RBFOX1: variants seen among roughly 807,000 people sequenced by gnomAD.
RBFOX1 encodes the protein RNA binding fox-1 homolog 1.
Under a neutral mutation model 57.7 loss-of-function variants are expected in RBFOX1, and 8 were observed. The observed-to-expected ratio is 0.14, with a 90% confidence interval of 0.08 to 0.25. RBFOX1 has a LOEUF of 0.25. Ranked by LOEUF, RBFOX1 falls within the 10% of genes least tolerant of loss-of-function variation. RBFOX1 has a pLI of 1.00. For missense variants in RBFOX1, 611 were observed against 548.5 expected (o/e 1.11, Z -1.14); for synonymous variants, 326 against 222.4 (o/e 1.47, Z -4.15).
At chr16:5,651,040 CTTTTTTTTTTTTTTTTTTTT>C (rs869240597) in intron 3 of RBFOX1, among the ~76,000 whole-genome samples, 1 of 56,854 alleles carries the variant, frequency 1.8e-5, no homozygotes, top group Non-Finnish European at 3.0e-5. Context: ...CTACCTCCTT[CTTTTTTTTTTTTTTTTTTTT>C]TTTTTTTTTT....
chr16:7,271,593 G>A (rs2095319720), intron 4 of RBFOX1, among the ~76,000 whole-genome samples: 1 of 152,008 alleles, frequency 6.6e-6, no homozygotes, highest in Admixed American at 6.6e-5. Context: ...GCATAATTAT[G>A]CAAGCAACTT....
intron 4 of RBFOX1, among the ~76,000 whole-genome samples, chr16:7,117,763 T>C (rs76804570): frequency 0.076 from 11,537 of 152,202 alleles, 563 homozygotes; most frequent in African/African-American, 0.14. Flanking sequence ...TAAAATCTAA[T>C]AGACTGCAGT....
At chr16:5,940,370 T>G (rs777899548) in intron 4 of RBFOX1, among the ~76,000 whole-genome samples, 11 of 152,190 alleles carry the variant, frequency 7.2e-5, no homozygotes, top group Non-Finnish European at 1.3e-4. Context: ...AGCCCAATGT[T>G]CACGTTCTCA....
At chr16:7,005,794 A>G (rs1050170187) in intron 3 of RBFOX1, among the ~76,000 whole-genome samples, 3 of 152,168 alleles carry the variant, frequency 2.0e-5, no homozygotes, top group Admixed American at 6.5e-5. Context: ...ATGACCATTC[A>G]TCTTCTTTTT....
chr16:6,003,381 C>G (rs2060635324), intron 4 of RBFOX1, among the ~76,000 whole-genome samples: 1 of 151,934 alleles, frequency 6.6e-6, no homozygotes, highest in Non-Finnish European at 1.5e-5. Flanking sequence ...TGCTCCTTGC[C>G]TGAAGGTAGC....
chr16:5,567,238 C>T lies in RBFOX1; in HGVS notation c.259-31664C>T, dbSNP rs140841396. 2.2e-3 allele frequency among the ~76,000 whole-genome samples: 331 copies of T among 152,336 alleles called. 2 individuals carry two copies. Among genetic ancestry groups the T allele is most frequent in the African/African-American group, 7.7e-3 (321 of 41,574 alleles). Reference sequence around the variant, plus strand: ...GCCTTGCAGACATGTGGGACGTATCCTGTGTGGATATCCCATGTGGACACG... The same window carrying T: ...GCCTTGCAGACATGTGGGACGTATCTTGTGTGGATATCCCATGTGGACACG... On this transcript the variant is annotated intron_variant, in intron 2 of 2. Transcript: ENST00000585867.
At chr16:6,701,035 A>AG (rs56718003) in intron 3 of RBFOX1, among the ~76,000 whole-genome samples, 62 of 150,342 alleles carry the variant, frequency 4.1e-4, no homozygotes, top group South Asian at 6.3e-4. Context: ...AGTTGGGCAG[A>AG]GGGGGGGGTG....
At chr16:6,119,732 A>G (rs1450923035) in intron 1 of RBFOX1, among the ~76,000 whole-genome samples, 2 of 152,154 alleles carry the variant, frequency 1.3e-5, no homozygotes, top group Non-Finnish European at 2.9e-5. Context: ...CAGACTCGTG[A>G]CCCTAAGCAA....
chr16:7,377,736 C>A (rs1365100995), intron 4 of RBFOX1, among the ~76,000 whole-genome samples: 2 of 152,160 alleles, frequency 1.3e-5, no homozygotes, highest in Non-Finnish European at 2.9e-5. Flanking sequence ...GCACCAGAGA[C>A]ACAGGGGTAA....
intron 4 of RBFOX1, among the ~76,000 whole-genome samples, chr16:7,272,602 T>A (rs1293845566): frequency 6.6e-6 from 1 of 152,194 alleles, no homozygotes; most frequent in Admixed American, 6.5e-5. Flanking sequence ...AAAGCAGTGC[T>A]GAGCAGCCAG....
intron 3 of RBFOX1, among the ~76,000 whole-genome samples, chr16:5,661,091 G>C (rs904746979): frequency 1.3e-5 from 2 of 152,152 alleles, no homozygotes; most frequent in Non-Finnish European, 2.9e-5. Flanking sequence ...TCTTCCTCCT[G>C]AGATTGGGAA....
chr16:6,430,783 G>A (rs2094057011), intron 2 of RBFOX1, among the ~76,000 whole-genome samples: 1 of 152,054 alleles, frequency 6.6e-6, no homozygotes, highest in African/African-American at 2.4e-5. Flanking sequence ...CACTCTGGCT[G>A]CAGTGTGGAT....
At chr16:6,867,510 G>C (rs1045453649) in intron 3 of RBFOX1, among the ~76,000 whole-genome samples, 6 of 152,124 alleles carry the variant, frequency 3.9e-5, no homozygotes, top group African/African-American at 1.2e-4. Flanking sequence ...CTTGAGGTCA[G>C]GAGTTCGAGA....
At chr16:7,574,536 C>T (rs1349534604) in intron 5 of RBFOX1, among the ~76,000 whole-genome samples, 1 of 152,050 alleles carries the variant, frequency 6.6e-6, no homozygotes. Flanking sequence ...CTTGGAGTCC[C>T]ATGTTCGAGG....
chr16:5,623,529 C>A (rs542315686), intron 3 of RBFOX1, among the ~76,000 whole-genome samples: 1 of 152,290 alleles, frequency 6.6e-6, no homozygotes, highest in Admixed American at 6.5e-5. Context: ...TACCTACACC[C>A]TACATGGTAC....
At chr16:7,378,545 G>T (rs2097727251) in intron 4 of RBFOX1, among the ~76,000 whole-genome samples, 1 of 152,226 alleles carries the variant, frequency 6.6e-6, no homozygotes, top group South Asian at 2.1e-4. Context: ...TACCAAGCCA[G>T]TGGCAACTCC....
intron 2 of RBFOX1, among the ~76,000 whole-genome samples, chr16:6,579,236 T>C (rs1368829923): frequency 2.0e-5 from 3 of 152,102 alleles, no homozygotes; most frequent in Non-Finnish European, 2.9e-5. Context: ...AAAGGTCTTA[T>C]TCTGTTACCC....
intron 2 of RBFOX1, among the ~76,000 whole-genome samples, chr16:5,585,398 C>G (rs188123166): frequency 7.2e-5 from 11 of 152,302 alleles, no homozygotes; most frequent in Admixed American, 1.3e-4. Context: ...TTTTATTGAT[C>G]TGTTCATCCA....
At chr16:6,345,887 A>T (rs1467810276) in intron 2 of RBFOX1, among the ~76,000 whole-genome samples, 1 of 152,220 alleles carries the variant, frequency 6.6e-6, no homozygotes, top group East Asian at 1.9e-4. Flanking sequence ...GACATCAATC[A>T]ATACATGTAA....
Sources: gnomAD v4.1 joint callset for allele counts (sites outside exome capture counted in the v4.1 genomes callset) on GRCh38, gnomAD v4.1.1 for gene constraint, MANE v1.5 for transcripts, NCBI Gene and HGNC (gene_info 2026-07-23, HGNC 2026-07-21) for gene names.